ANXA10: variants seen among roughly 807,000 people sequenced by gnomAD.
ANXA10 encodes annexin A10.
In ANXA10, 49 loss-of-function variants were observed where a neutral mutation model predicts 53.5. The ratio of observed to expected loss-of-function variants is 0.92; its 90% CI spans 0.73 to 1.16. The LOEUF (loss-of-function observed/expected upper bound fraction) is 1.16. ANXA10 is among the 50% of genes most tolerant of loss of function. The probability of loss-of-function intolerance (pLI) is 0.00; values close to 1 mark genes in which losing one functional copy is unlikely to be tolerated. For missense variants in ANXA10, 393 were observed against 394.4 expected (o/e 1.00, Z 0.03); for synonymous variants, 131 against 128.9 (o/e 1.02, Z -0.11).
At chr4:168,123,812 ATAACAACCTTT>A (rs1206994564) in intron 1 of ANXA10, among the ~76,000 whole-genome samples, 1 of 152,200 alleles carries the variant, frequency 6.6e-6, no homozygotes. Context: ...AAAATCACTT[ATAACAACCTTT>A]TAACAAATGT....
intron 4 of ANXA10, 53 bp from the exon 5 acceptor site, chr4:168,164,145 T>C (rs1731833150): frequency 1.5e-6 from 2 of 1,340,980 alleles, no homozygotes; most frequent in Admixed American, 3.5e-5. Flanking sequence ...AAAGGTACAC[T>C]ATTACTTCCA....
At chr4:168,164,394 C>T (rs1175739203) in intron 5 of ANXA10, 106 bp downstream of exon 5, 16 of 858,916 alleles carry the variant, frequency 1.9e-5, no homozygotes, top group Non-Finnish European at 2.7e-5. Flanking sequence ...GACATTCTTA[C>T]ATTTAACATA....
chr4:168,141,365 G>C (rs1176877875), intron 3 of ANXA10, among the ~76,000 whole-genome samples: 2 of 152,124 alleles, frequency 1.3e-5, no homozygotes, highest in African/African-American at 4.8e-5. Flanking sequence ...TCTTGATTTA[G>C]ATCTTCATCA....
In ANXA10 at chr4:168,120,772, C is replaced by T. The variant is rs577865988; in HGVS notation, c.19-7312C>T. 6.7e-4 allele frequency among the ~76,000 whole-genome samples: 102 copies of T among 152,058 alleles called. 1 individual carries two copies. Among genetic ancestry groups the T allele is most frequent in the African/African-American group, 2.1e-3 (86 of 41,506 alleles). On this transcript the variant is annotated intron_variant, in intron 1 of 11. Transcript: ENST00000359299. ...TTAATGTTTTTATTTCTTCTCTTAA[C>T]CTGAAAGTGACACTTTAAAATGTCA... is the stretch of plus-strand genomic sequence containing the variant.
intron 6 of ANXA10, among the ~76,000 whole-genome samples, chr4:168,172,245 C>T (rs534929470): frequency 6.6e-6 from 1 of 152,280 alleles, no homozygotes; most frequent in African/African-American, 2.4e-5. Flanking sequence ...TTGTTTAAAT[C>T]CACCAGTGTG....
intron 1 of ANXA10, among the ~76,000 whole-genome samples, chr4:168,122,135 C>T (rs1288962396): frequency 2.0e-5 from 3 of 152,154 alleles, no homozygotes; most frequent in Non-Finnish European, 2.9e-5. Flanking sequence ...CCACCGCCCC[C>T]GGCCAGTTTT....
At chr4:168,166,907 G>C (rs978994406) in intron 6 of ANXA10, among the ~76,000 whole-genome samples, 1 of 152,124 alleles carries the variant, frequency 6.6e-6, no homozygotes, top group African/African-American at 2.4e-5. Flanking sequence ...TAGGACCTAG[G>C]AGAGAGAAGG....
At chr4:168,150,978 G>T (rs1006770300) in intron 3 of ANXA10, among the ~76,000 whole-genome samples, 46 of 152,138 alleles carry the variant, frequency 3.0e-4, no homozygotes, top group African/African-American at 1.1e-3. Flanking sequence ...AGCTAGGGAG[G>T]GGGTACCATA....
At chr4:168,141,792 G>A (rs954274618) in intron 3 of ANXA10, among the ~76,000 whole-genome samples, 1 of 152,098 alleles carries the variant, frequency 6.6e-6, no homozygotes. Context: ...TTTTCTTCAC[G>A]TTCCCTGCTC....
chr4:168,099,798 G>C (rs1157139259), intron 1 of ANXA10, among the ~76,000 whole-genome samples: 1 of 152,018 alleles, frequency 6.6e-6, no homozygotes, highest in Non-Finnish European at 1.5e-5. Flanking sequence ...GAGTGCTACA[G>C]AGACAGAAAT....
At chr4:168,113,022 GA>G (rs911819190) in intron 1 of ANXA10, among the ~76,000 whole-genome samples, 9 of 145,312 alleles carry the variant, frequency 6.2e-5, no homozygotes, top group African/African-American at 1.0e-4. Flanking sequence ...GACTCCATCG[GA>G]AAAAAAAAAG....
intron 2 of ANXA10, among the ~76,000 whole-genome samples, chr4:168,137,358 C>G (rs776622694): frequency 6.6e-6 from 1 of 152,078 alleles, no homozygotes; most frequent in Non-Finnish European, 1.5e-5. Context: ...GGAGTCTGTG[C>G]TTTTAGTGTA....
At chr4:168,187,302 T>C (rs1732389017) in intron 11 of ANXA10, 64 bp from the exon 12 acceptor site, 1 of 1,110,332 alleles carries the variant, frequency 9.0e-7, no homozygotes, top group Non-Finnish European at 1.3e-6. Flanking sequence ...TCCAGAGGAA[T>C]TATGCTTCCT....
At chr4:168,167,448 G>A (rs764346375) in intron 6 of ANXA10, among the ~76,000 whole-genome samples, 8 of 152,154 alleles carry the variant, frequency 5.3e-5, no homozygotes, top group Non-Finnish European at 1.0e-4. Flanking sequence ...TAGGTTAGGT[G>A]TATTAAATGC....
chr4:168,123,456 G>A (rs935849589), intron 1 of ANXA10, among the ~76,000 whole-genome samples: 2 of 152,190 alleles, frequency 1.3e-5, no homozygotes, highest in Non-Finnish European at 2.9e-5. Flanking sequence ...GTAGAGGGTT[G>A]ATTCTGGTTT....
At chr4:168,142,686 CA>C (rs1185553954) in intron 3 of ANXA10, among the ~76,000 whole-genome samples, 3 of 152,224 alleles carry the variant, frequency 2.0e-5, no homozygotes, top group African/African-American at 7.2e-5. Context: ...GTCTGTCTAG[CA>C]TACCAAGATT....
At chr4:168,178,843 T>C (rs1732184650) in intron 8 of ANXA10, among the ~76,000 whole-genome samples, 1 of 152,226 alleles carries the variant, frequency 6.6e-6, no homozygotes, top group African/African-American at 2.4e-5. Context: ...TTAATTCTCA[T>C]ATTTAAGCTC....
intron 3 of ANXA10, among the ~76,000 whole-genome samples, chr4:168,158,372 G>A (rs747914075): frequency 1.7e-4 from 26 of 152,154 alleles, no homozygotes; most frequent in Non-Finnish European, 3.2e-4. Context: ...GACAACTGTG[G>A]TTCTCTTTTA....
chr4:168,101,170 G>A (rs1413425621), intron 1 of ANXA10, among the ~76,000 whole-genome samples: 1 of 152,056 alleles, frequency 6.6e-6, no homozygotes, highest in African/African-American at 2.4e-5. Flanking sequence ...TTGCTTAAAA[G>A]TGTGTAGCAC....
Sources: allele counts gnomAD v4.1 joint callset (sites outside exome capture counted in the v4.1 genomes callset), GRCh38; gene constraint gnomAD v4.1.1; transcripts MANE v1.5; gene names NCBI Gene and HGNC (gene_info 2026-07-23, HGNC 2026-07-21).